ABCB5: variants seen among roughly 807,000 people sequenced by gnomAD.
ABCB5 encodes the protein ATP binding cassette subfamily B member 5, also known as ATP-binding cassette sub-family B member 5.
In ABCB5, 155 loss-of-function variants were observed where a neutral mutation model predicts 144.2. The ratio of observed to expected loss-of-function variants is 1.08; its 90% confidence interval spans 0.94 to 1.23. The LOEUF (loss-of-function observed/expected upper bound fraction) is 1.23, where lower values mean the gene tolerates loss of function less well. Among genes scored for constraint, ABCB5 ranks in the 50% most tolerant of loss-of-function variants. The pLI is 0.00. For synonymous variants in ABCB5, 610 were observed against 528.6 expected, an observed-to-expected ratio of 1.15 and a Z score of -2.11; for missense variants, 1,830 against 1,520.8, an observed-to-expected ratio of 1.20 and a Z score of -3.38.
intron 13 of ABCB5, among the ~76,000 whole-genome samples, chr7:20,657,264 G>A (rs1784837931): frequency 6.6e-6 from 1 of 151,964 alleles, no homozygotes; most frequent in Admixed American, 6.6e-5. Context: ...AGTTAAATTT[G>A]AATTTCAGAT....
At position 20,743,008 on chromosome 7, in the gene ABCB5, C is replaced by T. The variant is rs776223231; in HGVS notation, c.3156C>T (p.Ser1052=). 9 of 1,614,002 alleles carry T rather than the reference C, an allele frequency of 5.6e-6. No homozygotes were observed. Among genetic ancestry groups the T allele is most frequent in the South Asian group, 5.5e-5 (5 of 91,068 alleles). Residue 1052 remains serine, a synonymous_variant, in exon 25 of 28, where the codon AGC becomes AGT. Coordinates refer to ENST00000404938, the MANE Select transcript of ABCB5 (RefSeq NM_001163941.2). ...RGKTVAFVGS[S]GCGKSTSVQL... ...AGACAGTAGCATTTGTGGGGAGCAGCGGCTGTGGGAAAAGCACTTCTGTTC... is the reference window on the plus strand; with the variant it reads ...AGACAGTAGCATTTGTGGGGAGCAGTGGCTGTGGGAAAAGCACTTCTGTTC...
At chr7:20,738,538 A>G (rs1052467542) in intron 23 of ABCB5, among the ~76,000 whole-genome samples, 4 of 152,242 alleles carry the variant, frequency 2.6e-5, no homozygotes, top group Admixed American at 6.5e-5. Flanking sequence ...ATTTAGCTTC[A>G]GTTATCTGTC....
rs746713945 is a variant in ABCB5 at position 20,643,410 on chromosome 7, T to A, written c.506+35T>A. On this transcript the variant is annotated intron_variant, in intron 6 of 27. Transcript: ENST00000404938. Reference sequence around the variant, plus strand: ...TGATATTGTAGTACGTTAGCTTTGTTTTCATATGTGACATGTAAATGACCT... The same window carrying A: ...TGATATTGTAGTACGTTAGCTTTGTATTCATATGTGACATGTAAATGACCT... 3 of 1,613,302 alleles carry A rather than the reference T, an allele frequency of 1.9e-6. 1 individual carries two copies. The highest frequency in any genetic ancestry group is 2.5e-6 in the Non-Finnish European group (3 of 1,179,232).
Position 20,615,692 on chromosome 7 carries a change from A to C in ABCB5, c.-167A>C, listed in dbSNP as rs1275571661. On this transcript the variant is annotated 5_prime_UTR_variant, in exon 1 of 28. Coordinates refer to ENST00000404938, the MANE Select transcript of ABCB5 (RefSeq NM_001163941.2). ...GGCACTTCCAAAATCCACAAGCCAGACTAGAAGGCTGGAAATTCTGGCAAA... is the reference window on the plus strand; with the variant it reads ...GGCACTTCCAAAATCCACAAGCCAGCCTAGAAGGCTGGAAATTCTGGCAAA... 1.3e-5 allele frequency: 2 copies of C among 152,130 alleles called. No homozygotes were observed. The highest frequency in any genetic ancestry group is 4.2e-4 in the South Asian group (2 of 4,814). The allele number at this position is 152,130 out of a possible 1,614,324, so 9.4% of individuals were successfully genotyped here. A position where few individuals can be genotyped will look rare whatever the true frequency, so the allele number is the denominator to read the frequency against.
chr7:20,637,174 G>A (rs921334321), intron 5 of ABCB5, among the ~76,000 whole-genome samples: 1 of 152,108 alleles, frequency 6.6e-6, no homozygotes, highest in Admixed American at 6.5e-5. Context: ...TAAGGTAATA[G>A]TACTTCTTCC....
chr7:20,754,823 C>T (rs2128058474), intron 27 of ABCB5, among the ~76,000 whole-genome samples: 1 of 152,284 alleles, frequency 6.6e-6, no homozygotes, highest in East Asian at 1.9e-4. Context: ...TACTATAATT[C>T]TACTTAGAAA....
intron 25 of ABCB5, among the ~76,000 whole-genome samples, chr7:20,743,882 G>T (rs1220122296): frequency 6.6e-6 from 1 of 151,918 alleles, no homozygotes; most frequent in African/African-American, 2.4e-5. Flanking sequence ...TCATCTATTC[G>T]CACATAGCAT....
At chr7:20,659,927 G>A (rs960275577) in intron 14 of ABCB5, 24 of 967,838 alleles carry the variant, frequency 2.5e-5, no homozygotes, top group Admixed American at 6.2e-5. Context: ...CAGGTGATCC[G>A]CCCACCTCGG....
At chr7:20,704,574 A>C (rs1786754321) in intron 19 of ABCB5, 150 bp from the exon 20 acceptor site, 1 of 579,984 alleles carries the variant, frequency 1.7e-6, no homozygotes, top group South Asian at 2.1e-5. Context: ...AAAAATAAGC[A>C]ACAGTCATTC....
rs532110211 is a variant in ABCB5 at position 20,663,797 on chromosome 7, C to A, written c.1707+5121C>A. On this transcript the variant is annotated intron_variant, in intron 14 of 27. Transcript: ENST00000404938. ...GTGGCATGATCTCAGCTCACTGCAA[C>A]CTCCGCCTCTCAGGTTCAAGCGATT... Among the ~76,000 whole-genome samples, 18 of 149,102 alleles carry A rather than the reference C, an allele frequency of 1.2e-4. No homozygotes were observed. The South Asian group carries it at 3.7e-3, about 30-fold the overall frequency.
rs1785157721 is a variant in ABCB5 at position 20,665,731 on chromosome 7, A to ATAGATAGATAGT, written c.1707+7066_1707+7067insTTAGATAGATAG. 2.2e-5 allele frequency among the ~76,000 whole-genome samples: 3 copies of ATAGATAGATAGT among 134,226 alleles called. No individual in the cohort carries two copies. In the South Asian group the frequency reaches 7.8e-4, roughly 35 times the overall value. The allele number at this position is 134,226 out of a possible 152,430, so 88.1% of individuals were successfully genotyped here. A position where few individuals can be genotyped will look rare whatever the true frequency, so the allele number is the denominator to read the frequency against. On this transcript the variant is annotated intron_variant, in intron 14 of 27. Coordinates refer to ENST00000404938, the MANE Select transcript of ABCB5 (RefSeq NM_001163941.2). ...GGATGAGATAGAGATGGAAAGATAG[A>ATAGATAGATAGT]TAGATAGATAGATAGATAGATAGAT...
Position 20,628,710 on chromosome 7 carries a change from A to T in ABCB5, c.131A>T (p.Asp44Val). The T allele has an allele frequency of 6.2e-7, 1 of 1,613,304 alleles. No individual in the cohort carries two copies. The highest frequency in any genetic ancestry group is 8.5e-7 in the Non-Finnish European group (1 of 1,179,634). Residue 44 changes from aspartate (D) to valine (V), a missense_variant, in exon 4 of 28, where the codon GAC becomes GTC. Coordinates refer to ENST00000404938, the MANE Select transcript of ABCB5 (RefSeq NM_001163941.2). ...CAGTTCCGCTTTGCTGATGGACTGGACATCACACTCATGATCCTGGGTATA... is the reference window on the plus strand; with the variant it reads ...CAGTTCCGCTTTGCTGATGGACTGGTCATCACACTCATGATCCTGGGTATA... ...IEIFRFADGLDITLMILGILA... is the reference protein window; with the variant it reads ...IEIFRFADGLVITLMILGILA...
chr7:20,753,985 C>A (rs1048478864), intron 27 of ABCB5, among the ~76,000 whole-genome samples: 2 of 152,152 alleles, frequency 1.3e-5, no homozygotes, highest in Non-Finnish European at 2.9e-5. Flanking sequence ...TGAGAAAATA[C>A]TTGCACAGCA....
At chr7:20,696,432 AAG>A (rs986372606) in intron 16 of ABCB5, among the ~76,000 whole-genome samples, 1 of 152,130 alleles carries the variant, frequency 6.6e-6, no homozygotes, top group African/African-American at 2.4e-5. Context: ...ACTGGCAACT[AAG>A]AAGTGTGGAG....
chr7:20,681,056 C>T (rs1460873675), intron 14 of ABCB5, among the ~76,000 whole-genome samples: 1 of 51,296 alleles, frequency 1.9e-5, no homozygotes, highest in Admixed American at 2.6e-4. Flanking sequence ...TTCTCTCTCT[C>T]TCTCTTTCTT....
At chr7:20,690,203 C>T (rs1446210435) in intron 16 of ABCB5, among the ~76,000 whole-genome samples, 2 of 152,318 alleles carry the variant, frequency 1.3e-5, no homozygotes, top group East Asian at 3.9e-4. Context: ...CAACAAACTA[C>T]AATAGTATTA....
chr7:20,620,928 C>A (rs899054153), intron 1 of ABCB5, among the ~76,000 whole-genome samples: 5 of 151,958 alleles, frequency 3.3e-5, no homozygotes, highest in Non-Finnish European at 7.4e-5. Flanking sequence ...GATACTCAAA[C>A]AAATACTTCT....
intron 20 of ABCB5, among the ~76,000 whole-genome samples, chr7:20,708,523 T>A (rs537082927): frequency 6.6e-6 from 1 of 152,278 alleles, no homozygotes; most frequent in East Asian, 1.9e-4. Context: ...TGTTTTTCAA[T>A]CTTGGCCTTG....
chr7:20,661,501 A>G (rs1354088048), intron 14 of ABCB5, among the ~76,000 whole-genome samples: 1 of 150,682 alleles, frequency 6.6e-6, no homozygotes, highest in Admixed American at 6.6e-5. Flanking sequence ...TACTTCTAAG[A>G]CCAGAAATAT....
Sources: gnomAD v4.1 joint callset for allele counts (sites outside exome capture counted in the v4.1 genomes callset) on GRCh38, gnomAD v4.1.1 for gene constraint, MANE v1.5 for transcripts, NCBI Gene and HGNC (gene_info 2026-07-23, HGNC 2026-07-21) for gene names.